Variants in SLC7A14 observed in about 807,000 individuals in gnomAD.
SLC7A14 encodes gamma-aminobutyric acid transporter SLC7A14.
In SLC7A14, 37 loss-of-function variants were observed where a neutral mutation model predicts 60.2. That is an observed-to-expected ratio of 0.61 (90% CI 0.47 to 0.81). SLC7A14 has a LOEUF of 0.81. SLC7A14 is among the 30% of genes least tolerant of loss of function. SLC7A14 has a pLI of 0.00. For synonymous variants in SLC7A14, 399 were observed against 395.8 expected, an observed-to-expected ratio of 1.01 and a Z score of -0.10; for missense variants, 886 against 982.7, an observed-to-expected ratio of 0.90 and a Z score of 1.32.
intron 1 of SLC7A14, among the ~76,000 whole-genome samples, chr3:170,575,773 A>G (rs78069630): frequency 6.6e-6 from 1 of 152,332 alleles, no homozygotes; most frequent in African/African-American, 2.4e-5. Context: ...TGTAATACAT[A>G]GGGAAAAGAG....
chr3:170,533,473 T>G (rs1008427), intron 1 of SLC7A14, among the ~76,000 whole-genome samples: 1,605 of 152,334 alleles, frequency 0.011, 30 homozygotes, highest in African/African-American at 0.036. Flanking sequence ...TGGAGTCTTA[T>G]CTTTCCTAGA....
chr3:170,545,048 AT>A (rs1250454680), intron 1 of SLC7A14, among the ~76,000 whole-genome samples: 1 of 152,234 alleles, frequency 6.6e-6, no homozygotes, highest in African/African-American at 2.4e-5. Flanking sequence ...TTTAAATTTA[AT>A]TTTAATTAAT....
At chr3:170,542,206 T>C (rs139195462) in intron 1 of SLC7A14, among the ~76,000 whole-genome samples, 84 of 152,256 alleles carry the variant, frequency 5.5e-4, no homozygotes, top group Middle Eastern at 3.4e-3. Flanking sequence ...AGCCAACATC[T>C]TTACTGGAAA....
intron 1 of SLC7A14, among the ~76,000 whole-genome samples, chr3:170,554,433 T>C (rs2108306795): frequency 6.6e-6 from 1 of 152,380 alleles, no homozygotes; most frequent in African/African-American, 2.4e-5. Flanking sequence ...GTACAAAGTC[T>C]CAGGGGCCAT....
intron 5 of SLC7A14, among the ~76,000 whole-genome samples, chr3:170,484,852 GGCT>G (rs1711967293): frequency 6.6e-6 from 1 of 152,154 alleles, no homozygotes; most frequent in Non-Finnish European, 1.5e-5. Flanking sequence ...GGGCAGGGTG[GGCT>G]GGAGGAGAGT....
chr3:170,560,385 C>A (rs1270205396), intron 1 of SLC7A14, among the ~76,000 whole-genome samples: 1 of 152,036 alleles, frequency 6.6e-6, no homozygotes, highest in African/African-American at 2.4e-5. Flanking sequence ...TTTTAAAATT[C>A]CTACAGATGT....
At chr3:170,497,276 CTCT>C (rs1244220753) in intron 4 of SLC7A14, among the ~76,000 whole-genome samples, 7 of 152,028 alleles carry the variant, frequency 4.6e-5, no homozygotes, top group Non-Finnish European at 8.8e-5. Context: ...GTTTCTTTGT[CTCT>C]TCTTTTGGGT....
At chr3:170,494,687 G>A (rs1048939933) in intron 4 of SLC7A14, among the ~76,000 whole-genome samples, 2 of 152,226 alleles carry the variant, frequency 1.3e-5, no homozygotes, top group Admixed American at 6.5e-5. Context: ...TATCAATCAA[G>A]TAATTAAGAA....
intron 1 of SLC7A14, among the ~76,000 whole-genome samples, chr3:170,530,403 T>G (rs946318577): frequency 6.6e-5 from 10 of 152,124 alleles, no homozygotes; most frequent in Non-Finnish European, 8.8e-5. Context: ...ATATCTCCCT[T>G]TACAGATGAG....
chr3:170,483,164 AC>A, intron 6 of SLC7A14, 149 bp downstream of exon 6: 2 of 878,206 alleles, frequency 2.3e-6, no homozygotes, highest in Non-Finnish European at 3.5e-6. Context: ...GAGCTCTGTT[AC>A]TCAGACTTTT....
At chr3:170,522,515 G>T (rs1713366569) in intron 2 of SLC7A14, among the ~76,000 whole-genome samples, 1 of 152,206 alleles carries the variant, frequency 6.6e-6, no homozygotes, top group Admixed American at 6.5e-5. Context: ...AATGCATCTT[G>T]CTAAGCAAAA....
chr3:170,523,844 C>A (rs1713411192), intron 2 of SLC7A14, among the ~76,000 whole-genome samples: 1 of 152,174 alleles, frequency 6.6e-6, no homozygotes, highest in African/African-American at 2.4e-5. Context: ...GACACTGGAG[C>A]AGCACTTCCT....
chr3:170,478,536 G>A (rs2108267607), intron 7 of SLC7A14, among the ~76,000 whole-genome samples: 1 of 152,240 alleles, frequency 6.6e-6, no homozygotes, highest in Admixed American at 6.5e-5. Flanking sequence ...TCAGAAGCAA[G>A]GAGTCAGGCC....
chr3:170,519,828 G>A (rs1466666991), intron 2 of SLC7A14, among the ~76,000 whole-genome samples: 1 of 152,264 alleles, frequency 6.6e-6, no homozygotes, highest in Admixed American at 6.5e-5. Flanking sequence ...GGAATCACCT[G>A]CCCCAACTTT....
chr3:170,529,949 A>T (rs890467643), intron 1 of SLC7A14, among the ~76,000 whole-genome samples: 4 of 152,196 alleles, frequency 2.6e-5, no homozygotes, highest in Non-Finnish European at 2.9e-5. Context: ...ATTCTTCCTC[A>T]TAGCTCTAAG....
In SLC7A14 at chr3:170,532,186, C is replaced by T. The variant is rs13096202; in HGVS notation, c.-152-5098G>A. 0.32 allele frequency among the ~76,000 whole-genome samples: 48,303 copies of T among 151,652 alleles called. 7,874 individuals carry two copies. Among genetic ancestry groups the T allele is most frequent in the East Asian group, 0.46 (2,349 of 5,162 alleles). On this transcript the variant is annotated intron_variant, in intron 1 of 7. Transcript: ENST00000231706. This position sits in a 1 kb window ranked among gnomAD's most constrained non-coding sequence, Gnocchi z 4.0. The stretch of plus-strand genomic sequence containing the variant: ...TTGGCTGATAGAAGCAGCCCTTTCA[C>T]GTGGTGGGACAGTTAGGATTGCTAC...
At position 170,523,194 on chromosome 3, in the gene SLC7A14, C is replaced by T. The variant is rs542108039; in HGVS notation, c.304+3439G>A. On this transcript the variant is annotated intron_variant, in intron 2 of 7. Coordinates refer to ENST00000231706, the MANE Select transcript of SLC7A14 (RefSeq NM_020949.3). The stretch of plus-strand genomic sequence containing the variant: ...TATTATTATTTTTAAAGTGGAGAAA[C>T]CGATGTTCAGAGAAATTATGGAACT... Among the ~76,000 whole-genome samples, 9 of 152,266 alleles carry T rather than the reference C, an allele frequency of 5.9e-5. No homozygotes were observed. The South Asian group carries it at 1.9e-3, about 32-fold the overall frequency.
In SLC7A14 at chr3:170,556,507, A is replaced by G. The variant is rs1714488504; in HGVS notation, c.-153+29404T>C. On this transcript the variant is annotated intron_variant, in intron 1 of 7. Transcript: ENST00000231706. The stretch of plus-strand genomic sequence containing the variant: ...GAGGACTAAATGGGATGATATGTGT[A>G]GGGCTCCTTGTAATAATAGTAGGGT... Among the ~76,000 whole-genome samples, 3 of 152,194 alleles carry G rather than the reference A, an allele frequency of 2.0e-5. 1 individual carries two copies. Among genetic ancestry groups the G allele is most frequent in the Admixed American group, 2.0e-4 (3 of 15,280 alleles).
intron 1 of SLC7A14, among the ~76,000 whole-genome samples, chr3:170,549,714 CT>C (rs1448308552): frequency 3.9e-5 from 6 of 152,300 alleles, no homozygotes; most frequent in Admixed American, 1.3e-4. Context: ...AGATTGCATC[CT>C]TTGAGAATAA....
Sources: allele counts gnomAD v4.1 joint callset (sites outside exome capture counted in the v4.1 genomes callset), GRCh38; gene constraint gnomAD v4.1.1; non-coding constraint Gnocchi (gnomAD v3.1); transcripts MANE v1.5; gene names NCBI Gene and HGNC (gene_info 2026-07-23, HGNC 2026-07-21).